The following AK5 variants were observed in gnomAD, a reference collection of about 807,000 sequenced individuals.
The protein encoded by AK5 is adenylate kinase 5.
In AK5, 27 loss-of-function variants were observed where a neutral mutation model predicts 69.5. The ratio of observed to expected loss-of-function variants is 0.39; its 90% CI spans 0.29 to 0.54. The LOEUF is 0.54. Ranked by LOEUF, AK5 falls within the 20% of genes least tolerant of loss-of-function variation. The pLI, the probability that AK5 is intolerant of heterozygous loss-of-function variation, is 0.71. For missense variants in AK5, 531 were observed against 700.4 expected (o/e 0.76, Z 2.73); for synonymous variants, 260 against 244.4 (o/e 1.06, Z -0.60).
At chr1:77,300,299 C>A (rs192046671) in intron 5 of AK5, among the ~76,000 whole-genome samples, 2 of 152,276 alleles carry the variant, frequency 1.3e-5, no homozygotes, top group East Asian at 3.9e-4. Flanking sequence ...GTAGAATGAG[C>A]AGTAACTTAC....
At chr1:77,452,589 C>T (rs1319157055) in intron 8 of AK5, among the ~76,000 whole-genome samples, 1 of 152,138 alleles carries the variant, frequency 6.6e-6, no homozygotes, top group Non-Finnish European at 1.5e-5. Flanking sequence ...CTCCAAAATG[C>T]CAGTCACCTA....
At chr1:77,366,434 TAAG>T (rs901860680) in intron 6 of AK5, among the ~76,000 whole-genome samples, 2 of 152,214 alleles carry the variant, frequency 1.3e-5, no homozygotes, top group African/African-American at 4.8e-5. Flanking sequence ...ATAATATGGA[TAAG>T]ACTATTATAT....
chr1:77,495,098 T>A (rs1415287904), intron 10 of AK5, among the ~76,000 whole-genome samples: 1 of 152,178 alleles, frequency 6.6e-6, no homozygotes, highest in African/African-American at 2.4e-5. Flanking sequence ...TGCAGTATCT[T>A]ATTTAATCCT....
chr1:77,282,423 AG>A (rs1220679870), intron 1 of AK5, 50 bp downstream of exon 1: 1 of 1,522,470 alleles, frequency 6.6e-7, no homozygotes, highest in Non-Finnish European at 8.8e-7. Context: ...ACTGCATCTC[AG>A]GGGTTCGGGT....
At chr1:77,405,048 G>A (rs1225223044) in intron 6 of AK5, among the ~76,000 whole-genome samples, 1 of 152,160 alleles carries the variant, frequency 6.6e-6, no homozygotes, top group Non-Finnish European at 1.5e-5. Context: ...AAAAAAATGT[G>A]TATGTGTTTG....
chr1:77,336,086 T>C (rs961242775), intron 5 of AK5, among the ~76,000 whole-genome samples: 33 of 1,388 alleles, frequency 0.024, no homozygotes, highest in African/African-American at 0.026. Flanking sequence ...CTTATAACCC[T>C]TTTTTTTTTT....
chr1:77,398,804 C>A (rs891242319), intron 6 of AK5, among the ~76,000 whole-genome samples: 1 of 152,110 alleles, frequency 6.6e-6, no homozygotes, highest in Non-Finnish European at 1.5e-5. Flanking sequence ...TTCCATGCAT[C>A]TCCAATGATC....
At chr1:77,394,637 A>G (rs1557557301) in intron 6 of AK5, among the ~76,000 whole-genome samples, 1 of 152,034 alleles carries the variant, frequency 6.6e-6, no homozygotes, top group Non-Finnish European at 1.5e-5. Context: ...GTGCACAACA[A>G]GTTTTTGTAA....
intron 8 of AK5, among the ~76,000 whole-genome samples, chr1:77,439,630 A>T (rs1652179304): frequency 1.3e-5 from 2 of 152,082 alleles, no homozygotes; most frequent in South Asian, 2.1e-4. Flanking sequence ...TAGCCCTTGC[A>T]TATGAGTCAG....
chr1:77,542,103 C>T (rs1284980813), intron 13 of AK5, among the ~76,000 whole-genome samples: 2 of 152,068 alleles, frequency 1.3e-5, no homozygotes, highest in African/African-American at 4.8e-5. Flanking sequence ...CCAAAGCAGG[C>T]AGATCACAAG....
At chr1:77,293,991 C>T in intron 3 of AK5, 31 bp downstream of exon 3, 1 of 1,584,180 alleles carries the variant, frequency 6.3e-7, no homozygotes, top group South Asian at 1.2e-5. Context: ...AATTCTCATA[C>T]CGTTGCTGCC....
chr1:77,557,920 G>A (rs1358070914), intron 13 of AK5, among the ~76,000 whole-genome samples: 1 of 130,046 alleles, frequency 7.7e-6, no homozygotes, highest in African/African-American at 3.0e-5. Flanking sequence ...TCTGTTCATC[G>A]ATCATTGATC....
chr1:77,305,481 A>T (rs553342635), intron 5 of AK5, among the ~76,000 whole-genome samples: 8 of 152,284 alleles, frequency 5.3e-5, no homozygotes, highest in African/African-American at 1.7e-4. Flanking sequence ...CTTGGATTTA[A>T]GTCTTTAATC....
intron 5 of AK5, among the ~76,000 whole-genome samples, chr1:77,338,874 G>T (rs11162318): frequency 6.6e-6 from 1 of 152,074 alleles, no homozygotes; most frequent in Non-Finnish European, 1.5e-5. Context: ...ACTCAAGGAG[G>T]TAAGTTCCTG....
At chr1:77,326,321 TG>T (rs1334905215) in intron 5 of AK5, among the ~76,000 whole-genome samples, 5 of 152,150 alleles carry the variant, frequency 3.3e-5, no homozygotes, top group African/African-American at 9.7e-5. Flanking sequence ...TGTGGATAAG[TG>T]TGAAATAGGA....
At chr1:77,513,420 C>T (rs1657462214) in intron 10 of AK5, among the ~76,000 whole-genome samples, 1 of 152,184 alleles carries the variant, frequency 6.6e-6, no homozygotes, top group African/African-American at 2.4e-5. Context: ...ATTTCTAGTG[C>T]TTAGCAGTGT....
chr1:77,296,696 C>T (rs1659024434), intron 3 of AK5, among the ~76,000 whole-genome samples: 1 of 151,972 alleles, frequency 6.6e-6, no homozygotes, highest in South Asian at 2.1e-4. Context: ...TATTTCAAGC[C>T]AATTCATGAT....
At chr1:77,471,333 C>A (rs147470532) in intron 8 of AK5, among the ~76,000 whole-genome samples, 8 of 152,174 alleles carry the variant, frequency 5.3e-5, no homozygotes, top group African/African-American at 1.7e-4. Flanking sequence ...GGGGATAATA[C>A]CTCCTTCAGT....
chr1:77,459,304 C>T (rs1231265657), intron 8 of AK5, among the ~76,000 whole-genome samples: 1 of 152,108 alleles, frequency 6.6e-6, no homozygotes, highest in Non-Finnish European at 1.5e-5. Flanking sequence ...TGGTTAGGCC[C>T]TTGCTCACCT....
Sources: allele counts gnomAD v4.1 joint callset (sites outside exome capture counted in the v4.1 genomes callset), GRCh38; gene constraint gnomAD v4.1.1; transcripts MANE v1.5; gene names NCBI Gene and HGNC (gene_info 2026-07-23, HGNC 2026-07-21).